LRRC20: variants seen among roughly 807,000 people sequenced by gnomAD.
LRRC20 encodes the protein leucine rich repeat containing 20, also known as leucine-rich repeat-containing protein 20.
LRRC20 carries 11 observed loss-of-function variants against 14.4 expected under a neutral mutation model. That is an observed-to-expected ratio of 0.77 (90% CI 0.48 to 1.27). The LOEUF is 1.27. LRRC20 is among the 50% of genes most tolerant of loss of function. The probability of loss-of-function intolerance (pLI) is 0.00; values close to 1 mark genes in which losing one functional copy is unlikely to be tolerated. For missense variants in LRRC20, 219 were observed against 251.2 expected, an observed-to-expected ratio of 0.87 and a Z score of 0.87; for synonymous variants, 121 against 107.3, an observed-to-expected ratio of 1.13 and a Z score of -0.79.
intron 4 of LRRC20, among the ~76,000 whole-genome samples, chr10:70,318,496 G>A (rs2136926732): frequency 6.6e-6 from 1 of 152,328 alleles, no homozygotes; most frequent in African/African-American, 2.4e-5. Flanking sequence ...GCTCACGCCT[G>A]TAATCCCAGC....
chr10:70,320,296 GAGATAGATAGAT>G (rs10555469), intron 4 of LRRC20, among the ~76,000 whole-genome samples: 8,300 of 148,410 alleles, frequency 0.056, 323 homozygotes, highest in Non-Finnish European at 0.083. Context: ...CATGTCCCAG[GAGATAGATAGAT>G]AGATAGATAG....
intron 2 of LRRC20, among the ~76,000 whole-genome samples, chr10:70,356,818 T>C (rs1392889634): frequency 6.7e-6 from 1 of 149,238 alleles, no homozygotes; most frequent in African/African-American, 2.5e-5. Flanking sequence ...GCCACTGCAC[T>C]CCAGCCTGGG....
intron 4 of LRRC20, among the ~76,000 whole-genome samples, chr10:70,317,704 A>G (rs555187340): frequency 1.3e-5 from 2 of 152,294 alleles, no homozygotes; most frequent in African/African-American, 4.8e-5. Context: ...TGTGTCATCC[A>G]GGCTGAAGAC....
chr10:70,377,682 A>G (rs573724388), intron 1 of LRRC20, among the ~76,000 whole-genome samples: 19 of 152,316 alleles, frequency 1.2e-4, no homozygotes, highest in African/African-American at 4.6e-4. Context: ...GGGCAGAGAG[A>G]AGGGGCATGG....
chr10:70,324,353 C>T (rs1006946233), intron 3 of LRRC20, among the ~76,000 whole-genome samples: 2 of 152,230 alleles, frequency 1.3e-5, no homozygotes, highest in African/African-American at 4.8e-5. Context: ...TCAGACAAAG[C>T]CTCAACTCCG....
rs1249993871 is a variant in LRRC20, at chr10:70,300,454, C to T, written c.*900G>A. 2.0e-6 allele frequency: 2 copies of T among 985,574 alleles called. No individual in the cohort carries two copies. The highest frequency in any genetic ancestry group is 5.2e-4 in the Middle Eastern group (1 of 1,914). 61.1% of individuals were successfully genotyped at this position (985,574 alleles called of 1,614,324 possible). ...GCTACAAATCCCGTGGTCCACATCG[C>T]CTTCTGCCCCCAGGAGGCCATGACA... On this transcript the variant is annotated 3_prime_UTR_variant, in exon 5 of 5. Transcript: ENST00000446961.
chr10:70,322,892 C>G (rs1351323565), intron 4 of LRRC20, among the ~76,000 whole-genome samples: 1 of 151,910 alleles, frequency 6.6e-6, no homozygotes, highest in African/African-American at 2.4e-5. Flanking sequence ...GCACCGCTGA[C>G]AGATGGGCAC....
chr10:70,299,462 G>A lies in LRRC20; in HGVS notation c.*1892C>T, dbSNP rs1013932061. 6.6e-6 allele frequency: 1 copy of A among 152,238 alleles called. No homozygotes were observed. The highest frequency in any genetic ancestry group is 2.4e-5 in the African/African-American group (1 of 41,436). The allele number at this position is 152,238 out of a possible 1,614,324, so 9.4% of individuals were successfully genotyped here. A position where few individuals can be genotyped will look rare whatever the true frequency, so the allele number is the denominator to read the frequency against. The stretch of plus-strand genomic sequence containing the variant: ...AAAGTGCTTATAGGAATCAGCTGGG[G>A]GTCTTGCTAAAATGCAGGGTCTGAG... On this transcript the variant is annotated 3_prime_UTR_variant, in exon 5 of 5. Coordinates refer to ENST00000446961, the MANE Select transcript of LRRC20 (RefSeq NM_001278212.2).
At chr10:70,304,412 T>C (rs1841326454) in intron 4 of LRRC20, among the ~76,000 whole-genome samples, 1 of 149,036 alleles carries the variant, frequency 6.7e-6, no homozygotes, top group Middle Eastern at 3.5e-3. Flanking sequence ...ATGGATATTA[T>C]ACACATATTT....
chr10:70,341,510 G>C (rs1589090375), intron 2 of LRRC20, among the ~76,000 whole-genome samples: 1 of 152,230 alleles, frequency 6.6e-6, no homozygotes. Flanking sequence ...GCTCACGCCT[G>C]TAATCCCAGC....
At chr10:70,325,965 A>G (rs1181663906) in intron 3 of LRRC20, among the ~76,000 whole-genome samples, 1 of 152,216 alleles carries the variant, frequency 6.6e-6, no homozygotes, top group Admixed American at 6.5e-5. Flanking sequence ...ATTCCACAAC[A>G]TAAAGATAAA....
chr10:70,380,166 G>A (rs768732007), intron 1 of LRRC20, among the ~76,000 whole-genome samples: 3 of 152,150 alleles, frequency 2.0e-5, no homozygotes, highest in Non-Finnish European at 4.4e-5. Flanking sequence ...AAGTTCAGAC[G>A]TCCTATTGTG....
chr10:70,363,741 C>CAGGAGAAG (rs1033414706), intron 2 of LRRC20, among the ~76,000 whole-genome samples: 4 of 152,122 alleles, frequency 2.6e-5, no homozygotes, highest in Admixed American at 2.6e-4. Context: ...CCAGGGGGCA[C>CAGGAGAAG]AGGAGAAGAG....
intron 3 of LRRC20, among the ~76,000 whole-genome samples, chr10:70,329,278 GAAAAAA>G (rs936299556): frequency 6.6e-6 from 1 of 152,106 alleles, no homozygotes; most frequent in South Asian, 2.1e-4. Flanking sequence ...AGGTCAGAGT[GAAAAAA>G]ACCAGTTCGG....
At chr10:70,325,328 G>A (rs905205894) in intron 3 of LRRC20, among the ~76,000 whole-genome samples, 12 of 152,268 alleles carry the variant, frequency 7.9e-5, no homozygotes, top group South Asian at 4.2e-4. Flanking sequence ...CACATGATCC[G>A]ATCTCCTACT....
intron 2 of LRRC20, among the ~76,000 whole-genome samples, chr10:70,340,980 G>A (rs760631720): frequency 7.9e-5 from 12 of 152,246 alleles, no homozygotes; most frequent in South Asian, 2.1e-4. Context: ...CGTGTCTGCC[G>A]GCACAAAGAT....
At chr10:70,361,764 A>G (rs764636144) in intron 2 of LRRC20, among the ~76,000 whole-genome samples, 12 of 151,118 alleles carry the variant, frequency 7.9e-5, no homozygotes, top group Non-Finnish European at 1.6e-4. Flanking sequence ...CACAGGACAC[A>G]GTAAATACAC....
intron 3 of LRRC20, among the ~76,000 whole-genome samples, chr10:70,328,834 C>T (rs184346277): frequency 6.6e-6 from 1 of 152,226 alleles, no homozygotes; most frequent in East Asian, 1.9e-4. Flanking sequence ...AGGAGAATTA[C>T]CTGAACCCGG....
intron 1 of LRRC20, among the ~76,000 whole-genome samples, chr10:70,377,829 G>A (rs1427883762): frequency 6.6e-6 from 1 of 152,250 alleles, no homozygotes; most frequent in Admixed American, 6.5e-5. Context: ...TTTAGTATGT[G>A]TGTGCATTTC....
Sources: gnomAD v4.1 joint callset for allele counts (sites outside exome capture counted in the v4.1 genomes callset) on GRCh38, gnomAD v4.1.1 for gene constraint, MANE v1.5 for transcripts, NCBI Gene and HGNC (gene_info 2026-07-23, HGNC 2026-07-21) for gene names.